The following AK1 variants were observed in gnomAD, a reference collection of about 807,000 sequenced individuals.
AK1 encodes adenylate kinase isoenzyme 1.
A neutral mutation model predicts 23.9 loss-of-function variants in AK1; 13 were observed. The observed-to-expected ratio is 0.54, with a 90% CI of 0.35 to 0.86. The LOEUF (loss-of-function observed/expected upper bound fraction) is 0.86, where lower values mean the gene tolerates loss of function less well. AK1 is among the 40% of genes least tolerant of loss of function. The pLI, the probability that AK1 is intolerant of heterozygous loss-of-function variation, is 0.01. For synonymous variants in AK1, 97 were observed against 102.8 expected (o/e 0.94, Z 0.34); for missense variants, 214 against 255.1 (o/e 0.84, Z 1.10).
At chr9:127,874,065 G>A (rs1160382274) in intron 2 of AK1, 3 of 983,786 alleles carry the variant, frequency 3.0e-6, no homozygotes, top group East Asian at 2.3e-4. Flanking sequence ...GCAGCAGCAG[G>A]CCCGCTGGGT....
chr9:127,873,492 C>G, intron 2 of AK1: 1 of 1,460,570 alleles, frequency 6.8e-7, no homozygotes, highest in Non-Finnish European at 9.0e-7. Context: ...CCCTTCCCCT[C>G]TCAGGCCCTG....
At chr9:127,869,837 G>A (rs1829345288) in intron 5 of AK1, among the ~76,000 whole-genome samples, 1 of 152,208 alleles carries the variant, frequency 6.6e-6, no homozygotes, top group South Asian at 2.1e-4. Flanking sequence ...GTTCATCTGG[G>A]TCTCCAGGAC....
In AK1 at chr9:127,877,290, G is replaced by C. The variant is rs1829562774; in HGVS notation, c.-33+333C>G. Among the ~76,000 whole-genome samples the C allele has an allele frequency of 6.6e-6, 1 of 152,130 alleles. No homozygotes were observed. The highest frequency in any genetic ancestry group is 1.5e-5 in the Non-Finnish European group (1 of 67,986). ...AGCCAGGCCACAGCTCTCCCTCTCT[G>C]GGCCCAAGCTGGGACATGCCAAGGG... On this transcript the variant is annotated intron_variant, in intron 1 of 6. Transcript: ENST00000644144. The surrounding 1 kb of genome is among the most constrained non-coding windows in gnomAD (Gnocchi z 5.2).
rs1257620908 is a variant in AK1, at chr9:127,867,636, G to A, written c.*372C>T. 13 of 292,708 alleles carry A rather than the reference G, an allele frequency of 4.4e-5. No individual in the cohort carries two copies. The highest frequency in any genetic ancestry group is 4.0e-4 in the South Asian group (11 of 27,710). The allele number at this position is 292,708 out of a possible 1,614,324, so 18.1% of individuals were successfully genotyped here. ...ATGAGCCCCTCGGAGCAGGGGCCCC[G>A]CCACTCAGCGCCGGGTCCTCAGGCC... is the stretch of plus-strand genomic sequence containing the variant. On this transcript the variant is annotated 3_prime_UTR_variant, in exon 7 of 7. Transcript: ENST00000644144.
chr9:127,870,112 C>G (rs575249167), intron 5 of AK1, among the ~76,000 whole-genome samples: 141 of 152,142 alleles, frequency 9.3e-4, no homozygotes, highest in African/African-American at 3.4e-3. Context: ...ACCAGCTGCC[C>G]GGACACCTGG....
chr9:127,873,814 G>A (rs563652012), intron 2 of AK1: 104 of 985,464 alleles, frequency 1.1e-4, no homozygotes, highest in Middle Eastern at 1.0e-3. Context: ...GGGAAATAGA[G>A]GACCAGGCTG....
chr9:127,872,966 C>T (rs769228982), intron 3 of AK1, 60 bp downstream of exon 3: 312 of 1,613,570 alleles, frequency 1.9e-4, no homozygotes, highest in Non-Finnish European at 2.3e-4. Flanking sequence ...GCCCCAGGCC[C>T]GGGCTCCCTC....
At chr9:127,872,190 C>T (rs1221821169) in intron 4 of AK1, among the ~76,000 whole-genome samples, 7 of 152,172 alleles carry the variant, frequency 4.6e-5, no homozygotes, top group African/African-American at 1.2e-4. Context: ...TCCTGGGTCC[C>T]GAGGACACGG....
In AK1 at chr9:127,871,868, A is replaced by G. The variant is rs1304680603; in HGVS notation, c.279T>C (p.Asp93=). ...CTTGCTGCACCTCCCGCGGGTAGCC[A>G]TCAATCAGGAAGCCTTTGGAAGTAT... ...KVNTSKGFLI[D]GYPREVQQGE... The change falls in exon 5 of 7, where the codon GAT becomes GAC. Residue 93 remains aspartate, a synonymous_variant. Transcript: ENST00000644144. This position sits in a 1 kb window ranked among gnomAD's most constrained non-coding sequence, Gnocchi z 4.4. The G allele has an allele frequency of 1.2e-6, 2 of 1,613,988 alleles. No homozygotes were observed. Among genetic ancestry groups the G allele is most frequent in the Non-Finnish European group, 1.7e-6 (2 of 1,180,020 alleles).
At chr9:127,876,765 A>G (rs1564475161) in intron 1 of AK1, among the ~76,000 whole-genome samples, 1 of 151,590 alleles carries the variant, frequency 6.6e-6, no homozygotes, top group African/African-American at 2.4e-5. Context: ...CACAGAGGAC[A>G]GGGGTCTAGG....
chr9:127,870,200 CTT>C (rs36059128), intron 5 of AK1, among the ~76,000 whole-genome samples: 6 of 122,290 alleles, frequency 4.9e-5, no homozygotes, highest in Admixed American at 1.7e-4. Context: ...AGGGTGGGGA[CTT>C]TTTTTTTTTT....
chr9:127,868,025 G>C lies in AK1; in HGVS notation c.568C>G (p.Leu190Val). 1 of 1,614,206 alleles carries C rather than the reference G, an allele frequency of 6.2e-7. No individual in the cohort carries two copies. Among genetic ancestry groups the C allele is most frequent in the Non-Finnish European group, 8.5e-7 (1 of 1,180,038 alleles). The change falls in exon 7 of 7, where the codon CTG becomes GTG. Residue 190 changes from leucine (L) to valine (V), a missense_variant. Physicochemically the swap from Leu to Val is conservative, Grantham distance 32 (BLOSUM62 1). Coordinates refer to ENST00000644144, the MANE Select transcript of AK1 (RefSeq NM_000476.3). The surrounding 1 kb of genome is among the most constrained non-coding windows in gnomAD (Gnocchi z 4.1). The stretch of plus-strand genomic sequence containing the variant: ...CAGCGTTGCTACTTTAGGGCGTCCA[G>C]GTGGGTGCAGACCTGGGAGAAGACA... ...DSVFSQVCTH[L>V]DALK
rs533352592 is a variant in AK1 at position 127,875,816 on chromosome 9, TC to T, written c.-32-1168del. ...GCCCTGCACACCCACTGCCCAACCC[TC>T]CCCTCCCCAGGCTCTCTCCGTCTGT... On this transcript the variant is annotated intron_variant, in intron 1 of 6. Transcript: ENST00000644144. 1.9e-4 allele frequency among the ~76,000 whole-genome samples: 29 copies of T among 150,722 alleles called. 1 individual carries two copies. In the East Asian group the frequency reaches 4.9e-3, roughly 26 times the overall value.
chr9:127,868,044 G>A lies in AK1; in HGVS notation c.549C>T (p.Phe183=). The change falls in exon 7 of 7, where the codon TTC becomes TTT. Residue 183 remains phenylalanine (F), a synonymous_variant. Coordinates refer to ENST00000644144, the MANE Select transcript of AK1 (RefSeq NM_000476.3). This position sits in a 1 kb window ranked among gnomAD's most constrained non-coding sequence, Gnocchi z 4.1. Reference sequence around the variant, plus strand: ...CGTCCAGGTGGGTGCAGACCTGGGAGAAGACACTGTCCACGGAGCCCTCAG... The same window carrying A: ...CGTCCAGGTGGGTGCAGACCTGGGAAAAGACACTGTCCACGGAGCCCTCAG... ...VNAEGSVDSV[F]SQVCTHLDAL... is the part of the protein sequence containing the mutation. The A allele has an allele frequency of 6.2e-7, 1 of 1,614,216 alleles. No homozygotes were observed. The highest frequency in any genetic ancestry group is 8.5e-7 in the Non-Finnish European group (1 of 1,180,022).
In AK1 at chr9:127,877,420, G is replaced by C. The variant is rs1412874375; in HGVS notation, c.-33+203C>G. On this transcript the variant is annotated intron_variant, in intron 1 of 6. Transcript: ENST00000644144. The surrounding 1 kb of genome is among the most constrained non-coding windows in gnomAD (Gnocchi z 5.2). The stretch of plus-strand genomic sequence containing the variant: ...CAAACACACACGCACACACACGCAC[G>C]GATCCACAAAGGCACAGGCAGCGAG... 6.6e-6 allele frequency among the ~76,000 whole-genome samples: 1 copy of C among 152,060 alleles called. No homozygotes were observed. Among genetic ancestry groups the C allele is most frequent in the Non-Finnish European group, 1.5e-5 (1 of 67,974 alleles).
Position 127,871,982 on chromosome 9 carries a change from C to T in AK1, c.208-43G>A, listed in dbSNP as rs1369610905. ...AGGAAGGGGCCATGAGCCTCTCCTC[C>T]CCATCCCTTCTCCCAGCCTCTGCTC... On this transcript the variant is annotated intron_variant, in intron 4 of 6. Coordinates refer to ENST00000644144, the MANE Select transcript of AK1 (RefSeq NM_000476.3). This position sits in a 1 kb window ranked among gnomAD's most constrained non-coding sequence, Gnocchi z 4.4. The T allele has an allele frequency of 6.6e-7, 1 of 1,524,438 alleles. No homozygotes were observed. Among genetic ancestry groups the T allele is most frequent in the Admixed American group, 1.7e-5 (1 of 59,896 alleles). 94.4% of individuals were successfully genotyped at this position (1,524,438 alleles called of 1,614,324 possible). A position where few individuals can be genotyped will look rare whatever the true frequency, so the allele number is the denominator to read the frequency against.
In AK1 at chr9:127,867,858, A is replaced by G. The variant is rs1588611277; in HGVS notation, c.*150T>C. 1.4e-6 allele frequency: 1 copy of G among 725,616 alleles called. No individual in the cohort carries two copies. Among genetic ancestry groups the G allele is most frequent in the South Asian group, 1.7e-5 (1 of 60,120 alleles). 44.9% of individuals were successfully genotyped at this position (725,616 alleles called of 1,614,324 possible). A position where few individuals can be genotyped will look rare whatever the true frequency, so the allele number is the denominator to read the frequency against. Reference sequence around the variant, plus strand: ...ACCAAATGTCCTTAGAAATTCCTTTAGTGCTCAGCTGTCCATGAAAACAGG... The same window carrying G: ...ACCAAATGTCCTTAGAAATTCCTTTGGTGCTCAGCTGTCCATGAAAACAGG... On this transcript the variant is annotated 3_prime_UTR_variant, in exon 7 of 7. Transcript: ENST00000644144.
At chr9:127,874,197 C>G in intron 2 of AK1, 1 of 985,424 alleles carries the variant, frequency 1.0e-6, no homozygotes, top group Non-Finnish European at 1.2e-6. Context: ...TAAGTCCCAG[C>G]CCATAGGAAC....
intron 1 of AK1, chr9:127,875,093 G>A: frequency 4.1e-6 from 1 of 242,490 alleles, no homozygotes; most frequent in Non-Finnish European, 8.3e-6. Context: ...GAGGTGGGAG[G>A]TGGCCAGGAA....
Sources: allele counts gnomAD v4.1 joint callset (sites outside exome capture counted in the v4.1 genomes callset), GRCh38; gene constraint gnomAD v4.1.1; non-coding constraint Gnocchi (gnomAD v3.1); transcripts MANE v1.5; gene names NCBI Gene and HGNC (gene_info 2026-07-23, HGNC 2026-07-21).